The following SORCS3 variants were observed in gnomAD, a reference collection of about 807,000 sequenced individuals.
SORCS3 encodes sortilin related VPS10 domain containing receptor 3, also known as VPS10 domain-containing receptor SorCS3.
Under a neutral mutation model 146.3 loss-of-function variants are expected in SORCS3, and 57 were observed. The ratio of observed to expected loss-of-function variants is 0.39; its 90% CI spans 0.31 to 0.49. SORCS3 has a LOEUF of 0.49. SORCS3 is among the 20% of genes least tolerant of loss of function. The pLI is 0.92. For synonymous variants in SORCS3, 653 were observed against 618.5 expected (o/e 1.06, Z -0.83); for missense variants, 1,341 against 1,575.5 (o/e 0.85, Z 2.52).
chr10:104,804,718 A>G (rs991505953), intron 1 of SORCS3, among the ~76,000 whole-genome samples: 1 of 152,150 alleles, frequency 6.6e-6, no homozygotes, highest in African/African-American at 2.4e-5. Flanking sequence ...AGTCAACAAA[A>G]CTCCTGGCAG....
At chr10:104,832,750 T>TAAATAATAAATAAAC in intron 1 of SORCS3, among the ~76,000 whole-genome samples, 1 of 151,862 alleles carries the variant, frequency 6.6e-6, no homozygotes, top group African/African-American at 2.4e-5. Flanking sequence ...AATAAATAAA[T>TAAATAATAAATAAAC]GAACGAACGA....
At chr10:104,922,883 C>G (rs1421150770) in intron 3 of SORCS3, among the ~76,000 whole-genome samples, 1 of 152,188 alleles carries the variant, frequency 6.6e-6, no homozygotes, top group South Asian at 2.1e-4. Flanking sequence ...CACTGATACC[C>G]TTATATGTGT....
chr10:104,740,867 T>C (rs1016322507), intron 1 of SORCS3, among the ~76,000 whole-genome samples: 2 of 152,212 alleles, frequency 1.3e-5, no homozygotes, highest in African/African-American at 2.4e-5. Context: ...TAGGTTAACA[T>C]AAAGTTAATC....
intron 20 of SORCS3, among the ~76,000 whole-genome samples, chr10:105,244,619 GA>G (rs2056855057): frequency 6.6e-6 from 1 of 152,002 alleles, no homozygotes; most frequent in South Asian, 2.1e-4. Flanking sequence ...AAAACAGAAA[GA>G]AAAAGATTAA....
At chr10:105,184,933 A>G (rs573294319) in intron 14 of SORCS3, among the ~76,000 whole-genome samples, 2 of 152,270 alleles carry the variant, frequency 1.3e-5, no homozygotes, top group East Asian at 1.9e-4. Context: ...ATCTTGCATA[A>G]TTGGAACTTT....
chr10:104,831,262 A>C (rs1290917592), intron 1 of SORCS3, among the ~76,000 whole-genome samples: 1 of 152,210 alleles, frequency 6.6e-6, no homozygotes, highest in African/African-American at 2.4e-5. Context: ...CTGTGTGGAT[A>C]TCTTATAACC....
intron 1 of SORCS3, among the ~76,000 whole-genome samples, chr10:104,819,437 A>G (rs922958902): frequency 2.0e-5 from 3 of 152,072 alleles, no homozygotes; most frequent in African/African-American, 7.2e-5. Flanking sequence ...CCACCCACAC[A>G]CATATCCACT....
chr10:105,001,183 T>A (rs1176641156), intron 4 of SORCS3, among the ~76,000 whole-genome samples: 1 of 149,388 alleles, frequency 6.7e-6, no homozygotes, highest in East Asian at 1.9e-4. Context: ...TCAGGATAGT[T>A]AAGTAAGTTT....
intron 1 of SORCS3, among the ~76,000 whole-genome samples, chr10:104,649,243 G>A (rs767205121): frequency 8.5e-5 from 13 of 152,142 alleles, no homozygotes; most frequent in Non-Finnish European, 1.0e-4. Flanking sequence ...CAGGTGCCTG[G>A]GTTCAAGTCC....
intron 7 of SORCS3, among the ~76,000 whole-genome samples, chr10:105,127,056 G>C (rs531343811): frequency 6.6e-6 from 1 of 152,110 alleles, no homozygotes; most frequent in Non-Finnish European, 1.5e-5. Flanking sequence ...ATTGACAAAT[G>C]TAAGACATAG....
intron 2 of SORCS3, among the ~76,000 whole-genome samples, chr10:104,901,205 C>T (rs1416341907): frequency 2.0e-5 from 3 of 152,126 alleles, no homozygotes; most frequent in Non-Finnish European, 4.4e-5. Context: ...GTGATAAATG[C>T]TTCATGTGCA....
At chr10:104,862,141 C>G (rs556879750) in intron 2 of SORCS3, among the ~76,000 whole-genome samples, 3 of 152,282 alleles carry the variant, frequency 2.0e-5, no homozygotes, top group Non-Finnish European at 4.4e-5. Context: ...GGACACAATT[C>G]AAGTCATAAC....
intron 4 of SORCS3, among the ~76,000 whole-genome samples, chr10:105,029,444 A>G (rs1458981235): frequency 6.6e-6 from 1 of 152,194 alleles, no homozygotes; most frequent in Non-Finnish European, 1.5e-5. Context: ...ATCTAGAGGG[A>G]AACCTAATTA....
intron 3 of SORCS3, 96 bp from the exon 4 acceptor site, chr10:104,977,239 G>A: frequency 1.0e-6 from 1 of 953,430 alleles, no homozygotes; most frequent in Non-Finnish European, 1.5e-6. Flanking sequence ...ATGTGCTATG[G>A]TGTACAAATA....
chr10:104,940,238 A>ATATATATATATATATAT (rs1435205868), intron 3 of SORCS3, among the ~76,000 whole-genome samples: 61 of 31,446 alleles, frequency 1.9e-3, no homozygotes, highest in East Asian at 4.2e-3. Flanking sequence ...ATATATATAT[A>ATATATATATATATATAT]TTTTTTTTTT....
chr10:105,083,569 A>G (rs1001225472), intron 5 of SORCS3, among the ~76,000 whole-genome samples: 5 of 151,968 alleles, frequency 3.3e-5, no homozygotes, highest in Non-Finnish European at 7.4e-5. Context: ...ACCTCATTCT[A>G]TCATCACAGA....
chr10:104,795,257 A>G (rs577101648), intron 1 of SORCS3, among the ~76,000 whole-genome samples: 1 of 152,358 alleles, frequency 6.6e-6, no homozygotes, highest in African/African-American at 2.4e-5. Flanking sequence ...ATCACCATGA[A>G]TAAGAGCTAT....
intron 7 of SORCS3, among the ~76,000 whole-genome samples, chr10:105,122,903 G>A (rs1174710368): frequency 6.6e-6 from 1 of 152,224 alleles, no homozygotes; most frequent in Admixed American, 6.5e-5. Context: ...TTGGATGGAT[G>A]TGCAGGTGAA....
At chr10:104,742,824 C>T (rs1156370339) in intron 1 of SORCS3, among the ~76,000 whole-genome samples, 4 of 152,098 alleles carry the variant, frequency 2.6e-5, no homozygotes, top group Non-Finnish European at 5.9e-5. Flanking sequence ...CTCCATGTTC[C>T]ATTGGTTGGA....
Sources: allele counts gnomAD v4.1 joint callset (sites outside exome capture counted in the v4.1 genomes callset), GRCh38; gene constraint gnomAD v4.1.1; transcripts MANE v1.5; gene names NCBI Gene and HGNC (gene_info 2026-07-23, HGNC 2026-07-21).